ARMC9: variants seen among roughly 807,000 people sequenced by gnomAD.
The protein encoded by ARMC9 is lisH domain-containing protein ARMC9.
Under a neutral mutation model 107.0 loss-of-function variants are expected in ARMC9, and 94 were observed. The ratio of observed to expected loss-of-function variants is 0.88; its 90% CI spans 0.74 to 1.04. The LOEUF (loss-of-function observed/expected upper bound fraction) is 1.04. Among genes scored for constraint, ARMC9 ranks in the 50% least tolerant of loss-of-function variants. ARMC9 has a pLI of 0.00. For synonymous variants in ARMC9, 380 were observed against 396.9 expected (o/e 0.96, Z 0.51); for missense variants, 942 against 1,030.1 (o/e 0.91, Z 1.17).
intron 17 of ARMC9, among the ~76,000 whole-genome samples, chr2:231,285,521 C>T (rs542648607): frequency 1.4e-4 from 21 of 151,530 alleles, no homozygotes; most frequent in East Asian, 5.9e-4. Flanking sequence ...TGGTGGGCGC[C>T]GATAATCCCA....
At chr2:231,237,565 CAAT>C (rs1437388586) in intron 8 of ARMC9, among the ~76,000 whole-genome samples, 2 of 151,662 alleles carry the variant, frequency 1.3e-5, no homozygotes, top group African/African-American at 4.8e-5. Flanking sequence ...AAAATATCAA[CAAT>C]GTCTACTCCC....
chr2:231,372,701 TGTGTGTGTG>T lies in ARMC9; in HGVS notation c.*1167_*1175del, dbSNP rs1470209710. 9 of 7,740 alleles carry T rather than the reference TGTGTGTGTG, an allele frequency of 1.2e-3. No homozygotes were observed. Among genetic ancestry groups the T allele is most frequent in the Non-Finnish European group, 2.3e-3 (6 of 2,662 alleles). 0.5% of individuals were successfully genotyped at this position (7,740 alleles called of 1,614,324 possible). On this transcript the variant is annotated 3_prime_UTR_variant, in exon 25 of 25. Transcript: ENST00000611582. ...AATAAAACCCATCAGTATTTAGTGG[TGTGTGTGTG>T]TGTGTGTGTGTGTGTGTGTGTGTGT...
At chr2:231,321,006 C>G (rs934187319) in intron 19 of ARMC9, among the ~76,000 whole-genome samples, 1 of 152,190 alleles carries the variant, frequency 6.6e-6, no homozygotes, top group Non-Finnish European at 1.5e-5. Flanking sequence ...GTGTTTGAGT[C>G]CTGCCTGACA....
At chr2:231,273,911 AC>A (rs1323403666) in intron 14 of ARMC9, among the ~76,000 whole-genome samples, 1 of 151,552 alleles carries the variant, frequency 6.6e-6, no homozygotes, top group Non-Finnish European at 1.5e-5. Context: ...CCTCATTCCT[AC>A]CCCCAGTCCC....
intron 19 of ARMC9, among the ~76,000 whole-genome samples, chr2:231,321,428 A>G (rs2042990302): frequency 6.6e-6 from 1 of 152,206 alleles, no homozygotes; most frequent in South Asian, 2.1e-4. Flanking sequence ...GCAGCCTGGG[A>G]GTTTTTCCTG....
In ARMC9 at chr2:231,290,539, G is replaced by GT. The variant is rs1379848879; in HGVS notation, c.1627-813dup. On this transcript the variant is annotated intron_variant, in intron 17 of 24. Transcript: ENST00000611582. The stretch of plus-strand genomic sequence containing the variant: ...TTATTAGAAGCACTTTCCCCTCACA[G>GT]TGGTTAGAGGCCTCGTCAGCTCAAG... Among the ~76,000 whole-genome samples, 4 of 152,172 alleles carry GT rather than the reference G, an allele frequency of 2.6e-5. 1 individual carries two copies. The highest frequency in any genetic ancestry group is 5.9e-5 in the Non-Finnish European group (4 of 68,036).
In ARMC9 at chr2:231,370,136, C is replaced by T. The variant is rs1329455347; in HGVS notation, c.2434+11C>T. The T allele has an allele frequency of 1.3e-6, 2 of 1,507,388 alleles. No homozygotes were observed. Among genetic ancestry groups the T allele is most frequent in the East Asian group, 5.0e-5 (2 of 39,908 alleles). 93.4% of individuals were successfully genotyped at this position (1,507,388 alleles called of 1,614,324 possible). A position where few individuals can be genotyped will look rare whatever the true frequency, so the allele number is the denominator to read the frequency against. ...CAAGGGGCCTGCCGAGTAAGTCAGC[C>T]TGGGCCCCACTGGCGTGGGAGCCTG... On this transcript the variant is annotated intron_variant, in intron 24 of 24. Transcript: ENST00000611582.
intron 21 of ARMC9, among the ~76,000 whole-genome samples, chr2:231,353,889 G>T (rs886357271): frequency 6.6e-6 from 1 of 151,582 alleles, no homozygotes; most frequent in Non-Finnish European, 1.5e-5. Context: ...CACTACTGTC[G>T]CACAGGTCTT....
At chr2:231,220,081 CTT>C (rs1309827078) in intron 5 of ARMC9, among the ~76,000 whole-genome samples, 6 of 152,302 alleles carry the variant, frequency 3.9e-5, no homozygotes, top group Non-Finnish European at 5.9e-5. Flanking sequence ...GTTTCCTTCT[CTT>C]AATCTCTCTG....
intron 12 of ARMC9, among the ~76,000 whole-genome samples, chr2:231,269,174 G>A (rs1467429860): frequency 1.3e-5 from 2 of 152,014 alleles, no homozygotes; most frequent in African/African-American, 4.8e-5. Context: ...TCCCATTGAC[G>A]TCCTTCATGA....
intron 1 of ARMC9, among the ~76,000 whole-genome samples, chr2:231,200,597 C>T (rs2030726995): frequency 6.6e-6 from 1 of 152,210 alleles, no homozygotes; most frequent in South Asian, 2.1e-4. Flanking sequence ...TCACTTGAAC[C>T]TGGGAGGCAG....
Position 231,358,461 on chromosome 2 carries a change from C to G in ARMC9, c.2132-2293C>G, listed in dbSNP as rs2045431196. Among the ~76,000 whole-genome samples the G allele has an allele frequency of 6.6e-6, 1 of 152,178 alleles. No homozygotes were observed. Among genetic ancestry groups the G allele is most frequent in the African/African-American group, 2.4e-5 (1 of 41,442 alleles). On this transcript the variant is annotated intron_variant, in intron 22 of 24. Coordinates refer to ENST00000611582, the MANE Select transcript of ARMC9 (RefSeq NM_001352754.2). This position sits in a 1 kb window ranked among gnomAD's most constrained non-coding sequence, Gnocchi z 4.5. ...AAGCGATCCTCCCGCCTCGGCCTCC[C>G]AAAGTGCTGGGATTACAGGCATGGG...
chr2:231,346,574 T>C (rs2044825906), intron 21 of ARMC9, among the ~76,000 whole-genome samples: 1 of 152,224 alleles, frequency 6.6e-6, no homozygotes, highest in Non-Finnish European at 1.5e-5. Context: ...AACATTTGTG[T>C]GCCCTATCTC....
chr2:231,279,659 C>T (rs1207157277), intron 16 of ARMC9, among the ~76,000 whole-genome samples: 3 of 151,848 alleles, frequency 2.0e-5, no homozygotes, highest in Admixed American at 6.6e-5. Flanking sequence ...TACAGGTGCC[C>T]GCCACTACGT....
rs769417955 is a variant in ARMC9 at position 231,222,714 on chromosome 2, C to T, written c.505-14C>T. 3 of 1,407,422 alleles carry T rather than the reference C, an allele frequency of 2.1e-6. No individual in the cohort carries two copies. The highest frequency in any genetic ancestry group is 4.6e-5 in the East Asian group (2 of 43,750). 87.2% of individuals were successfully genotyped at this position (1,407,422 alleles called of 1,614,324 possible). On this transcript the variant is annotated splice_polypyrimidine_tract_variant and intron_variant, in intron 5 of 24. Transcript: ENST00000611582. The stretch of plus-strand genomic sequence containing the variant: ...TAATCTAATGTTTGTATTTTTGTTC[C>T]CTTTTTTCTTTAGGATTCCTGGACT...
At chr2:231,344,279 T>C (rs1189154615) in intron 20 of ARMC9, among the ~76,000 whole-genome samples, 2 of 152,222 alleles carry the variant, frequency 1.3e-5, no homozygotes, top group Non-Finnish European at 2.9e-5. Flanking sequence ...TAAACTAGTG[T>C]TTTAAACTAT....
At chr2:231,291,099 A>G (rs1393552854) in intron 17 of ARMC9, among the ~76,000 whole-genome samples, 1 of 152,146 alleles carries the variant, frequency 6.6e-6, no homozygotes, top group Admixed American at 6.5e-5. Context: ...GACCAGTTGG[A>G]CACTTGGCCA....
intron 6 of ARMC9, among the ~76,000 whole-genome samples, chr2:231,224,785 A>T (rs1318182303): frequency 6.6e-6 from 1 of 152,242 alleles, no homozygotes; most frequent in East Asian, 1.9e-4. Context: ...AAAGGCCAAG[A>T]TGTAATTCTC....
intron 9 of ARMC9, among the ~76,000 whole-genome samples, chr2:231,242,857 A>G: frequency 6.6e-6 from 1 of 152,190 alleles, no homozygotes; most frequent in East Asian, 1.9e-4. Context: ...GCACACCTGT[A>G]ATCCCAACAC....
Sources: allele counts gnomAD v4.1 joint callset (sites outside exome capture counted in the v4.1 genomes callset), GRCh38; gene constraint gnomAD v4.1.1; non-coding constraint Gnocchi (gnomAD v3.1); transcripts MANE v1.5; gene names NCBI Gene and HGNC (gene_info 2026-07-23, HGNC 2026-07-21).